LRFN2: variants seen among roughly 807,000 people sequenced by gnomAD.
The protein encoded by LRFN2 is leucine-rich repeat and fibronectin type-III domain-containing protein 2.
LRFN2 carries 18 observed loss-of-function variants against 37.3 expected under a neutral mutation model. The ratio of observed to expected loss-of-function variants is 0.48; its 90% confidence interval spans 0.33 to 0.72. The LOEUF (loss-of-function observed/expected upper bound fraction) is 0.72, where lower values mean the gene tolerates loss of function less well. Ranked by LOEUF, LRFN2 falls within the 30% of genes least tolerant of loss-of-function variation. The probability of loss-of-function intolerance (pLI) is 0.02; values close to 1 mark genes in which losing one functional copy is unlikely to be tolerated. For missense variants in LRFN2, 1,006 were observed against 1,060.7 expected, an observed-to-expected ratio of 0.95 and a Z score of 0.72; for synonymous variants, 556 against 466.6, an observed-to-expected ratio of 1.19 and a Z score of -2.47.
At chr6:40,449,491 G>T (rs758917604) in intron 1 of LRFN2, among the ~76,000 whole-genome samples, 66 of 152,180 alleles carry the variant, frequency 4.3e-4, no homozygotes, top group Non-Finnish European at 8.4e-4. Context: ...TTAGAGAAAG[G>T]TCATGCCTGT....
intron 2 of LRFN2, among the ~76,000 whole-genome samples, chr6:40,401,929 C>A (rs894465875): frequency 1.4e-4 from 21 of 152,226 alleles, no homozygotes; most frequent in African/African-American, 4.8e-4. Flanking sequence ...CCTACCCGAC[C>A]CCTGGCTCTC....
intron 1 of LRFN2, among the ~76,000 whole-genome samples, chr6:40,567,804 A>T (rs540612378): frequency 4.6e-5 from 7 of 152,324 alleles, no homozygotes; most frequent in African/African-American, 1.7e-4. Context: ...GTCAAGGGGC[A>T]GACCTGGCCT....
intron 1 of LRFN2, among the ~76,000 whole-genome samples, chr6:40,583,474 C>T (rs1232433746): frequency 6.6e-6 from 1 of 152,168 alleles, no homozygotes; most frequent in Non-Finnish European, 1.5e-5. Flanking sequence ...TGCAGTCCCA[C>T]ATAAAACTGA....
At chr6:40,537,051 G>A (rs914560228) in intron 1 of LRFN2, among the ~76,000 whole-genome samples, 1 of 152,228 alleles carries the variant, frequency 6.6e-6, no homozygotes. Context: ...CCTGCCAAAG[G>A]TTATGGAGCT....
chr6:40,486,201 T>G (rs1206227693), intron 1 of LRFN2, among the ~76,000 whole-genome samples: 1 of 152,036 alleles, frequency 6.6e-6, no homozygotes, highest in Non-Finnish European at 1.5e-5. Flanking sequence ...GTGTGGGCAG[T>G]GGGCAGTGGG....
intron 2 of LRFN2, among the ~76,000 whole-genome samples, 183 bp from the exon 3 acceptor site, chr6:40,393,095 A>G (rs1175654953): frequency 2.7e-5 from 4 of 148,180 alleles, no homozygotes; most frequent in African/African-American, 1.0e-4. Context: ...AGGAGTGAAG[A>G]GACATGGAAG....
intron 2 of LRFN2, among the ~76,000 whole-genome samples, chr6:40,394,203 C>A (rs1345634768): frequency 6.6e-6 from 1 of 152,124 alleles, no homozygotes; most frequent in East Asian, 1.9e-4. Context: ...ACCCTTGTGA[C>A]CTTGTTAAGC....
intron 1 of LRFN2, among the ~76,000 whole-genome samples, chr6:40,568,729 T>TTCCTTCCTTCCTTCCTTCCC (rs1767135217): frequency 1.3e-5 from 2 of 151,338 alleles, no homozygotes; most frequent in African/African-American, 4.9e-5. Context: ...CCTTCCTTCC[T>TTCCTTCCTTCCTTCCTTCCC]TCCTTTTTTG....
intron 1 of LRFN2, among the ~76,000 whole-genome samples, chr6:40,481,812 C>T (rs1006431675): frequency 2.6e-5 from 4 of 152,176 alleles, no homozygotes; most frequent in Non-Finnish European, 4.4e-5. Context: ...AGGGTGAAGA[C>T]TCAGTCCCAC....
chr6:40,569,501 T>C (rs573871237), intron 1 of LRFN2, among the ~76,000 whole-genome samples: 1 of 152,246 alleles, frequency 6.6e-6, no homozygotes, highest in East Asian at 1.9e-4. Flanking sequence ...GTCAGGACCA[T>C]ATGGGGTTTA....
At chr6:40,430,049 A>C (rs1273289699) in intron 2 of LRFN2, among the ~76,000 whole-genome samples, 4 of 152,224 alleles carry the variant, frequency 2.6e-5, no homozygotes, top group Admixed American at 2.0e-4. Context: ...TTCAGTAAAG[A>C]CTATGACTTT....
At chr6:40,484,422 C>A (rs572661291) in intron 1 of LRFN2, among the ~76,000 whole-genome samples, 1 of 152,352 alleles carries the variant, frequency 6.6e-6, no homozygotes, top group South Asian at 2.1e-4. Flanking sequence ...TCCCTCCTGG[C>A]AGCTTCTTCA....
Position 40,391,990 on chromosome 6 carries a change from G to A in LRFN2, c.2323C>T (p.Arg775Trp), listed in dbSNP as rs751958899. 6.9e-6 allele frequency: 11 copies of A among 1,600,560 alleles called. No individual in the cohort carries two copies. The highest frequency in any genetic ancestry group is 2.2e-5 in the South Asian group (2 of 89,232). Residue 775 changes from arginine to tryptophan, a missense_variant, in exon 3 of 3, where the codon CGG becomes TGG. This residue lies in a region of LRFN2 where 398 missense variants were observed against 327.6 expected (regional missense o/e 1.21). Coordinates refer to ENST00000338305, the MANE Select transcript of LRFN2 (RefSeq NM_020737.3). The part of the protein sequence containing the change: ...PFEESDLVGA[R>W]GTFGSSEWVM... ...CATTCGGAGCTGCCAAAAGTCCCCC[G>A]GGCCCCCACCAGGTCACTCTCCTCA... is the stretch of plus-strand genomic sequence containing the variant.
At chr6:40,439,290 T>C (rs565271855) in intron 1 of LRFN2, among the ~76,000 whole-genome samples, 1 of 152,116 alleles carries the variant, frequency 6.6e-6, no homozygotes, top group Admixed American at 6.5e-5. Context: ...CCCTCCAGGG[T>C]GCTCCAGGCC....
intron 1 of LRFN2, among the ~76,000 whole-genome samples, chr6:40,463,333 T>G (rs16893634): frequency 0.034 from 5,140 of 152,256 alleles, 154 homozygotes; most frequent in East Asian, 0.081. Flanking sequence ...TGGAGGCTCT[T>G]TATCTCTCCC....
At chr6:40,521,624 T>C (rs1766070681) in intron 1 of LRFN2, among the ~76,000 whole-genome samples, 2 of 152,352 alleles carry the variant, frequency 1.3e-5, no homozygotes, top group South Asian at 4.1e-4. Flanking sequence ...CTCTGGGCTC[T>C]GCCCTTGAGG....
intron 1 of LRFN2, among the ~76,000 whole-genome samples, chr6:40,530,985 C>T (rs1207788359): frequency 6.6e-6 from 1 of 152,152 alleles, no homozygotes; most frequent in Non-Finnish European, 1.5e-5. Context: ...TTTAAAAAAG[C>T]ATGTTTGTTG....
At chr6:40,519,967 C>A (rs1005710996) in intron 1 of LRFN2, among the ~76,000 whole-genome samples, 3 of 152,096 alleles carry the variant, frequency 2.0e-5, no homozygotes, top group African/African-American at 7.2e-5. Flanking sequence ...GCATTTCAGG[C>A]AGAGGGAACA....
At chr6:40,440,810 T>G (rs4711635) in intron 1 of LRFN2, among the ~76,000 whole-genome samples, 3,301 of 152,254 alleles carry the variant, frequency 0.022, 193 homozygotes, top group Admixed American at 0.12. Flanking sequence ...CTTAATGCAA[T>G]GTATGTGGGC....
Sources: allele counts gnomAD v4.1 joint callset (sites outside exome capture counted in the v4.1 genomes callset), GRCh38; gene constraint gnomAD v4.1.1; regional missense constraint gnomAD v4.1.1; transcripts MANE v1.5; gene names NCBI Gene and HGNC (gene_info 2026-07-23, HGNC 2026-07-21).